Variants in ACAP3 observed in about 807,000 individuals in gnomAD.
The protein encoded by ACAP3 is arf-GAP with coiled-coil, ANK repeat and PH domain-containing protein 3.
Under a neutral mutation model 104.1 loss-of-function variants are expected in ACAP3, and 56 were observed. The observed-to-expected ratio is 0.54, with a 90% CI of 0.43 to 0.67. The LOEUF (loss-of-function observed/expected upper bound fraction) is 0.67, where lower values mean the gene tolerates loss of function less well. Ranked by LOEUF, ACAP3 falls within the 30% of genes least tolerant of loss-of-function variation. The pLI, the probability that ACAP3 is intolerant of heterozygous loss-of-function variation, is 0.00. For missense variants in ACAP3, 1,208 were observed against 1,174.9 expected (o/e 1.03, Z -0.41); for synonymous variants, 628 against 496.2 (o/e 1.27, Z -3.53).
At chr1:1,298,745 C>G in intron 10 of ACAP3, 66 bp from the exon 11 acceptor site, 2 of 1,279,474 alleles carry the variant, frequency 1.6e-6, no homozygotes, top group South Asian at 1.2e-5. Flanking sequence ...CGTGCTTTCC[C>G]GGAGCACAGG....
intron 11 of ACAP3, 63 bp from the exon 12 acceptor site, chr1:1,298,484 G>A (rs1423847358): frequency 1.9e-6 from 3 of 1,559,186 alleles, no homozygotes; most frequent in Non-Finnish European, 1.7e-6. Context: ...TGTGACCCCT[G>A]CCCCCACCTG....
chr1:1,295,581 G>A (rs1416313607), intron 18 of ACAP3, 27 bp from the exon 19 acceptor site: 2 of 1,606,442 alleles, frequency 1.2e-6, no homozygotes, highest in Non-Finnish European at 1.7e-6. Context: ...TGTTCAGAGT[G>A]TGGAACAGGC....
chr1:1,295,577 G>A, intron 18 of ACAP3, 23 bp from the exon 19 acceptor site: 1 of 1,608,498 alleles, frequency 6.2e-7, no homozygotes, highest in Non-Finnish European at 8.5e-7. Flanking sequence ...TGCGTGTTCA[G>A]AGTGTGGAAC....
In ACAP3 at chr1:1,294,395, C is replaced by T. The variant is rs761004409; in HGVS notation, c.2139+7G>A. 1 of 1,569,568 alleles carries T rather than the reference C, an allele frequency of 6.4e-7. No homozygotes were observed. ...TGTCCTGCGCGCAGCCCCCGTGGCT[C>T]GCTCACCCCTAGCACGGCCTGCACC... On this transcript the variant is annotated splice_region_variant and intron_variant, in intron 21 of 23. Transcript: ENST00000354700.
intron 1 of ACAP3, chr1:1,307,239 C>T (rs911881092): frequency 7.8e-7 from 1 of 1,287,576 alleles, no homozygotes; most frequent in Non-Finnish European, 1.0e-6. Flanking sequence ...TGCACACAAC[C>T]CCTACCCCCT....
chr1:1,307,247 C>G, intron 1 of ACAP3: 4 of 1,287,930 alleles, frequency 3.1e-6, no homozygotes, highest in Non-Finnish European at 4.0e-6. Flanking sequence ...ACCCCTACCC[C>G]CTACCTGACC....
In ACAP3 at chr1:1,299,840, G is replaced by C; in HGVS notation, c.729C>G (p.Ile243Met). 1 of 1,550,142 alleles carries C rather than the reference G, an allele frequency of 6.5e-7. No homozygotes were observed. Among genetic ancestry groups the C allele is most frequent in the Non-Finnish European group, 8.7e-7 (1 of 1,146,548 alleles). ...KREMERKHAA[I>M]QQRTLLQDFS... ...GGCTGCGCGGCCTCACCCGCTGCTGGATGGCGGCGTGCTTTCGCTCCATCT... is the reference window on the plus strand; with the variant it reads ...GGCTGCGCGGCCTCACCCGCTGCTGCATGGCGGCGTGCTTTCGCTCCATCT... The change falls in exon 9 of 24, where the codon ATC (isoleucine) becomes ATG (methionine). Residue 243 changes from isoleucine (I) to methionine (M), a missense_variant. By Grantham distance (10) the Ile-to-Met change is conservative. Coordinates refer to ENST00000354700, the MANE Select transcript of ACAP3 (RefSeq NM_030649.3).
chr1:1,293,588 G>A lies in ACAP3; in HGVS notation c.2481C>T (p.Ile827=). 1 of 1,494,518 alleles carries A rather than the reference G, an allele frequency of 6.7e-7. No individual in the cohort carries two copies. 92.6% of individuals were successfully genotyped at this position (1,494,518 alleles called of 1,614,324 possible). A position where few individuals can be genotyped will look rare whatever the true frequency, so the allele number is the denominator to read the frequency against. The change falls in exon 24 of 24, where the codon ATC becomes ATT. Residue 827 remains isoleucine, a synonymous_variant. Coordinates refer to ENST00000354700, the MANE Select transcript of ACAP3 (RefSeq NM_030649.3). The stretch of plus-strand genomic sequence containing the variant: ...CCTAGCTCTCTTCCAGGTGGAGGCT[G>A]ATGAACTCCTGGATACACCTGCGGA... ...LQFRRCIQEF[I]SLHLEES is the part of the protein sequence containing the mutation.
Position 1,303,958 on chromosome 1 carries a change from C to T in ACAP3, c.105+128G>A, listed in dbSNP as rs1002267358. 4.0e-5 allele frequency: 45 copies of T among 1,119,802 alleles called. No individual in the cohort carries two copies. Among genetic ancestry groups the T allele is most frequent in the Non-Finnish European group, 5.6e-5 (44 of 780,336 alleles). The allele number at this position is 1,119,802 out of a possible 1,614,324, so 69.4% of individuals were successfully genotyped here. ...CATGCTAAGACACAGGGACCAGGAC[C>T]TGGAGCACCACACGCATGCTCCACA... On this transcript the variant is annotated intron_variant, in intron 2 of 23. Transcript: ENST00000354700. This position sits in a 1 kb window ranked among gnomAD's most constrained non-coding sequence, Gnocchi z 4.0.
intron 4 of ACAP3, 40 bp from the exon 5 acceptor site, chr1:1,302,086 C>A: frequency 7.0e-7 from 1 of 1,433,996 alleles, no homozygotes; most frequent in Non-Finnish European, 9.3e-7. Context: ...GGGTCTGTCC[C>A]GAAAGAGCCC....
chr1:1,295,371 A>G (rs1411418713), intron 19 of ACAP3, 76 bp downstream of exon 19: 2 of 1,389,668 alleles, frequency 1.4e-6, no homozygotes, highest in South Asian at 1.2e-5. Flanking sequence ...GGCAAGGGCC[A>G]TCCACACTCA....
chr1:1,299,928 AG>A (rs1210958987), intron 8 of ACAP3, 23 bp from the exon 9 acceptor site: 2 of 1,592,696 alleles, frequency 1.3e-6, no homozygotes, highest in East Asian at 2.3e-5. Flanking sequence ...GCATTAGGGA[AG>A]GTCACGGAGG....
rs944372615 is a variant in ACAP3, at chr1:1,299,058, T to C, written c.750+287A>G. On this transcript the variant is annotated intron_variant, in intron 10 of 23. Transcript: ENST00000354700. ...CCCATTCAGGAGGCCTGGGAGTCAC[T>C]GAGGGCCCTGTGTGTCCCGCCATCT... 2.6e-5 allele frequency: 15 copies of C among 568,134 alleles called. No homozygotes were observed. The African/African-American group carries it at 2.9e-4, about 11-fold the overall frequency. 35.2% of individuals were successfully genotyped at this position (568,134 alleles called of 1,614,324 possible). A position where few individuals can be genotyped will look rare whatever the true frequency, so the allele number is the denominator to read the frequency against.
intron 19 of ACAP3, chr1:1,295,035 G>A (rs1027346324): frequency 1.4e-5 from 8 of 581,926 alleles, no homozygotes; most frequent in African/African-American, 5.6e-5. Flanking sequence ...CTAAAGCCCA[G>A]GCCTTTTGGG....
At chr1:1,304,375 G>A in intron 1 of ACAP3, 1 of 602,064 alleles carries the variant, frequency 1.7e-6, no homozygotes, top group Non-Finnish European at 2.9e-6. Flanking sequence ...TGCCCTCGGG[G>A]AAGAAGGCTG....
At chr1:1,306,328 CGGAG>C (rs1201603467) in intron 1 of ACAP3, among the ~76,000 whole-genome samples, 1 of 151,164 alleles carries the variant, frequency 6.6e-6, no homozygotes, top group Admixed American at 6.6e-5. Flanking sequence ...AGGCTTCTGA[CGGAG>C]GGGCCAGGGA....
In ACAP3 at chr1:1,294,393, C is replaced by T. The variant is rs773546582; in HGVS notation, c.2139+9G>A. ...TGTGTCCTGCGCGCAGCCCCCGTGG[C>T]TCGCTCACCCCTAGCACGGCCTGCA... On this transcript the variant is annotated intron_variant, in intron 21 of 23. Transcript: ENST00000354700. 5.1e-6 allele frequency: 8 copies of T among 1,567,876 alleles called. No individual in the cohort carries two copies. The African/African-American group carries it at 6.8e-5, about 13-fold the overall frequency.
intron 2 of ACAP3, 39 bp downstream of exon 2, chr1:1,304,047 G>A: frequency 6.5e-7 from 1 of 1,549,908 alleles, no homozygotes. Flanking sequence ...GCCATCCCAA[G>A]CTTGGCCGGG....
intron 1 of ACAP3, chr1:1,305,208 C>T (rs555781510): frequency 1.1e-4 from 17 of 152,408 alleles, no homozygotes; most frequent in African/African-American, 4.1e-4. Flanking sequence ...CAGAAGGACA[C>T]TAGGTCCTCT....
Sources: allele counts gnomAD v4.1 joint callset (sites outside exome capture counted in the v4.1 genomes callset), GRCh38; gene constraint gnomAD v4.1.1; non-coding constraint Gnocchi (gnomAD v3.1); transcripts MANE v1.5; gene names NCBI Gene and HGNC (gene_info 2026-07-23, HGNC 2026-07-21).